LRRFIP1: variants seen among roughly 807,000 people sequenced by gnomAD.
LRRFIP1 encodes the protein leucine-rich repeat flightless-interacting protein 1.
LRRFIP1 carries 62 observed loss-of-function variants against 104.4 expected under a neutral mutation model. That is an observed-to-expected ratio of 0.59 (90% CI 0.48 to 0.73). The LOEUF is 0.73. Among genes scored for constraint, LRRFIP1 ranks in the 30% least tolerant of loss-of-function variants. The pLI is 0.00. For synonymous variants in LRRFIP1, 300 were observed against 299.0 expected (o/e 1.00, Z -0.03); for missense variants, 796 against 824.5 (o/e 0.97, Z 0.42).
At chr2:237,775,894 G>A (rs938526019) in intron 23 of LRRFIP1, among the ~76,000 whole-genome samples, 1 of 152,088 alleles carries the variant, frequency 6.6e-6, no homozygotes, top group Non-Finnish European at 1.5e-5. Flanking sequence ...GAAAGGGACT[G>A]TGGAGGAGAA....
intron 1 of LRRFIP1, among the ~76,000 whole-genome samples, chr2:237,688,455 T>C (rs28657768): frequency 2.2e-5 from 1 of 45,074 alleles, no homozygotes; most frequent in Non-Finnish European, 4.0e-5. Context: ...TTTTTTTTTT[T>C]CTTTTTTTTT....
intron 1 of LRRFIP1, among the ~76,000 whole-genome samples, chr2:237,670,815 G>A (rs545323495): frequency 1.3e-5 from 2 of 152,330 alleles, no homozygotes; most frequent in South Asian, 2.1e-4. Flanking sequence ...GTTCCTCCCC[G>A]TGGGGCCGTT....
intron 11 of LRRFIP1, among the ~76,000 whole-genome samples, chr2:237,746,183 T>G (rs555955469): frequency 6.6e-6 from 1 of 151,776 alleles, no homozygotes; most frequent in African/African-American, 2.4e-5. Context: ...CTCAACCTCC[T>G]GAGTAGCTGG....
chr2:237,692,288 C>T lies in LRRFIP1; in HGVS notation c.97-16256C>T, dbSNP rs866272250. ...CGCGCCCGAGCCCAGCGCCGCGAGC[C>T]GCTCCCCGGCGGGCTGGCTCCTGGC... On this transcript the variant is annotated intron_variant, in intron 1 of 23. Transcript: ENST00000308482. 100 of 1,186,994 alleles carry T rather than the reference C, an allele frequency of 8.4e-5. 2 individuals are homozygous for T. In the Middle Eastern group the frequency reaches 2.1e-3, roughly 24 times the overall value. The allele number at this position is 1,186,994 out of a possible 1,614,324, so 73.5% of individuals were successfully genotyped here. A position where few individuals can be genotyped will look rare whatever the true frequency, so the allele number is the denominator to read the frequency against.
chr2:237,660,085 C>G lies in LRRFIP1; in HGVS notation c.96+32345C>G, dbSNP rs189803031. Among the ~76,000 whole-genome samples the G allele has an allele frequency of 1.7e-4, 26 of 152,114 alleles. 2 individuals are homozygous for G. Among genetic ancestry groups the G allele is most frequent in the Admixed American group, 1.7e-3 (26 of 15,290 alleles). ...AATGTTAAGGTCAAAAGGCAGCAAA[C>G]AGGGAAAAAATATAATATTTGCAAC... On this transcript the variant is annotated intron_variant, in intron 1 of 23. Coordinates refer to ENST00000308482, the MANE Select transcript of LRRFIP1 (RefSeq NM_001137550.2).
At chr2:237,731,616 A>C (rs1035791029) in intron 8 of LRRFIP1, among the ~76,000 whole-genome samples, 1 of 152,234 alleles carries the variant, frequency 6.6e-6, no homozygotes, top group African/African-American at 2.4e-5. Flanking sequence ...TTGCTGTTGC[A>C]GAGGGCACTT....
intron 7 of LRRFIP1, 49 bp downstream of exon 7, chr2:237,723,635 G>A (rs1217255273): frequency 6.2e-7 from 1 of 1,604,884 alleles, no homozygotes. Context: ...TGTGTGGTGT[G>A]ACCATAATAA....
rs2094094223 is a variant in LRRFIP1 at position 237,711,609 on chromosome 2, G to A, written c.184-2650G>A. Among the ~76,000 whole-genome samples, 1 of 152,234 alleles carries A rather than the reference G, an allele frequency of 6.6e-6. No homozygotes were observed. Among genetic ancestry groups the A allele is most frequent in the African/African-American group, 2.4e-5 (1 of 41,468 alleles). Reference sequence around the variant, plus strand: ...GGCTTGCGGCTGTGACACAGGGCGGGCGTCGTGGGCGCGGCTGTGGACTCC... The same window carrying A: ...GGCTTGCGGCTGTGACACAGGGCGGACGTCGTGGGCGCGGCTGTGGACTCC... On this transcript the variant is annotated intron_variant, in intron 2 of 23. Coordinates refer to ENST00000308482, the MANE Select transcript of LRRFIP1 (RefSeq NM_001137550.2). The surrounding 1 kb of genome is among the most constrained non-coding windows in gnomAD (Gnocchi z 4.4).
At chr2:237,753,568 G>C (rs1038764545) in intron 15 of LRRFIP1, 89 bp downstream of exon 15, 6 of 1,147,914 alleles carry the variant, frequency 5.2e-6, no homozygotes, top group Admixed American at 2.9e-5. Context: ...GGCCAAGGTG[G>C]GAGGATTACT....
At chr2:237,728,494 G>A (rs2094861663) in intron 8 of LRRFIP1, among the ~76,000 whole-genome samples, 1 of 151,484 alleles carries the variant, frequency 6.6e-6, no homozygotes, top group Non-Finnish European at 1.5e-5. Flanking sequence ...GGAGAGAGAG[G>A]GAGTGGTGCC....
intron 1 of LRRFIP1, among the ~76,000 whole-genome samples, chr2:237,680,763 C>T (rs989280307): frequency 6.6e-6 from 1 of 152,228 alleles, no homozygotes; most frequent in African/African-American, 2.4e-5. Context: ...GGGCCCATCA[C>T]TTGAGCCCAG....
At position 237,735,641 on chromosome 2, in the gene LRRFIP1, G is replaced by A. The variant is rs2095220206; in HGVS notation, c.555+308G>A. On this transcript the variant is annotated intron_variant, in intron 10 of 23. Coordinates refer to ENST00000308482, the MANE Select transcript of LRRFIP1 (RefSeq NM_001137550.2). This position sits in a 1 kb window ranked among gnomAD's most constrained non-coding sequence, Gnocchi z 4.6. ...AACCGTCTTCGGTTAATAAAAACGGGAAAAGGACAACTTGACAGACCACAC... is the reference window on the plus strand; with the variant it reads ...AACCGTCTTCGGTTAATAAAAACGGAAAAAGGACAACTTGACAGACCACAC... The A allele has an allele frequency of 3.2e-6, 1 of 309,674 alleles. No homozygotes were observed. The highest frequency in any genetic ancestry group is 4.8e-5 in the Admixed American group (1 of 20,988). 19.2% of individuals were successfully genotyped at this position (309,674 alleles called of 1,614,324 possible).
intron 2 of LRRFIP1, among the ~76,000 whole-genome samples, chr2:237,712,591 G>A (rs979005263): frequency 1.3e-5 from 2 of 152,224 alleles, no homozygotes; most frequent in African/African-American, 4.8e-5. Flanking sequence ...TGGGGCAGAG[G>A]CCAGGAGGAA....
rs1212123746 is a variant in LRRFIP1, at chr2:237,649,562, A to G, written c.96+21822A>G. Among the ~76,000 whole-genome samples the G allele has an allele frequency of 1.3e-5, 2 of 151,980 alleles. No homozygotes were observed. Among genetic ancestry groups the G allele is most frequent in the Non-Finnish European group, 2.9e-5 (2 of 67,932 alleles). On this transcript the variant is annotated intron_variant, in intron 1 of 23. Coordinates refer to ENST00000308482, the MANE Select transcript of LRRFIP1 (RefSeq NM_001137550.2). The surrounding 1 kb of genome is among the most constrained non-coding windows in gnomAD (Gnocchi z 4.1). Reference sequence around the variant, plus strand: ...AAAGAACACTGTGGTGTGAGAGGCAATTGTGGGTCAGCCTGAGGGCACACC... The same window carrying G: ...AAAGAACACTGTGGTGTGAGAGGCAGTTGTGGGTCAGCCTGAGGGCACACC...
intron 10 of LRRFIP1, among the ~76,000 whole-genome samples, chr2:237,737,320 A>G (rs2095280738): frequency 1.3e-5 from 2 of 152,164 alleles, no homozygotes; most frequent in South Asian, 2.1e-4. Flanking sequence ...CCTTACTTCC[A>G]TGTCACAGAT....
chr2:237,745,105 A>G (rs1204996616), intron 11 of LRRFIP1, among the ~76,000 whole-genome samples: 2 of 152,190 alleles, frequency 1.3e-5, no homozygotes, highest in Non-Finnish European at 2.9e-5. Flanking sequence ...TGGCTCTGCT[A>G]GGGCTTAGGA....
At chr2:237,709,121 A>G (rs1468260497) in intron 2 of LRRFIP1, among the ~76,000 whole-genome samples, 9 of 152,176 alleles carry the variant, frequency 5.9e-5, no homozygotes, top group Admixed American at 5.9e-4. Flanking sequence ...GGGAATGAAC[A>G]CATGGATGAA....
chr2:237,689,534 T>C (rs1162121268), intron 1 of LRRFIP1, among the ~76,000 whole-genome samples: 1 of 152,230 alleles, frequency 6.6e-6, no homozygotes, highest in Non-Finnish European at 1.5e-5. Context: ...AGCTCGCTGC[T>C]TCTTACTCTG....
chr2:237,664,079 G>A (rs567238943), intron 1 of LRRFIP1, among the ~76,000 whole-genome samples: 2 of 151,922 alleles, frequency 1.3e-5, no homozygotes, highest in South Asian at 4.2e-4. Flanking sequence ...TGTCCATGCT[G>A]CAGAGAGACC....
Sources: gnomAD v4.1 joint callset for allele counts (sites outside exome capture counted in the v4.1 genomes callset) on GRCh38, gnomAD v4.1.1 for gene constraint, Gnocchi (gnomAD v3.1) non-coding constraint, MANE v1.5 for transcripts, NCBI Gene and HGNC (gene_info 2026-07-23, HGNC 2026-07-21) for gene names.